Variants in SHOX observed in about 807,000 individuals in gnomAD.
SHOX encodes short stature homeobox protein.
Under a neutral mutation model 29.6 loss-of-function variants are expected in SHOX, and 12 were observed. The observed-to-expected ratio is 0.41, with a 90% CI of 0.26 to 0.66. The LOEUF (loss-of-function observed/expected upper bound fraction) is 0.66, where lower values mean the gene tolerates loss of function less well. SHOX is among the 30% of genes least tolerant of loss of function. The probability of loss-of-function intolerance (pLI) is 0.35; values close to 1 mark genes in which losing one functional copy is unlikely to be tolerated. For synonymous variants in SHOX, 214 were observed against 200.6 expected (o/e 1.07, Z -0.57); for missense variants, 499 against 437.7 (o/e 1.14, Z -1.25).
rs764179159 is a variant in SHOX at position 634,671 on chromosome X, G to C, written c.331G>C (p.Gly111Arg). ...GGACGTGAAGTCGGAGGACGAGGAC[G>C]GGCAGACCAAGCTGAAACAGAGGCG... The part of the protein sequence containing the change: ...REDVKSEDED[G>R]QTKLKQRRSR... The change falls in exon 2 of 5, where the codon GGG becomes CGG. Residue 111 changes from glycine to arginine, a missense_variant. Gly to Arg is a moderately radical substitution (Grantham distance 125). Transcript: ENST00000686671. The C allele has an allele frequency of 1.1e-5, 18 of 1,613,878 alleles. No homozygotes were observed. The highest frequency in any genetic ancestry group is 3.3e-5 in the South Asian group (3 of 91,064).
At chrX:656,257 C>A (rs1485598449), downstream of SHOX, among the ~76,000 whole-genome samples, 1 of 144,366 alleles carries the variant, frequency 6.9e-6, no homozygotes, top group East Asian at 1.9e-4. Flanking sequence ...ACCTCAGCAA[C>A]AAAGTGAGAT....
downstream of SHOX, among the ~76,000 whole-genome samples, chrX:651,641 G>GA (rs553983413): frequency 0.02 from 2,127 of 107,500 alleles, 46 homozygotes; most frequent in African/African-American, 0.051. Context: ...AGGCTTATTG[G>GA]AAAAAAAAAA....
chrX:640,075 T>C (rs1008946054), intron 2 of SHOX, among the ~76,000 whole-genome samples: 7 of 150,734 alleles, frequency 4.6e-5, no homozygotes, highest in African/African-American at 1.7e-4. Context: ...CCAGGTGCAG[T>C]GGCTCACGCC....
intron 2 of SHOX, among the ~76,000 whole-genome samples, chrX:638,034 T>C (rs1489933761): frequency 6.6e-6 from 1 of 152,150 alleles, no homozygotes; most frequent in Non-Finnish European, 1.5e-5. Context: ...CTAAATTAAA[T>C]GTCATTATTC....
In SHOX at chrX:625,288, C is replaced by T. The variant is rs755491423; in HGVS notation, c.-433+686C>T. Among the ~76,000 whole-genome samples the T allele has an allele frequency of 1.5e-4, 23 of 149,544 alleles. No individual in the cohort carries two copies. The South Asian group carries it at 4.7e-3, about 30-fold the overall frequency. Reference sequence around the variant, plus strand: ...TCCCTCTGCCATTTGTCTCTTTCCCCTTTGCGTTTTTATTCGCAGTCGTTG... The same window carrying T: ...TCCCTCTGCCATTTGTCTCTTTCCCTTTTGCGTTTTTATTCGCAGTCGTTG... On this transcript the variant is annotated intron_variant, in intron 1 of 5. Coordinates refer to the SHOX transcript ENST00000334060.
At chrX:634,319 C>G (rs1029741511) in intron 1 of SHOX, among the ~76,000 whole-genome samples, 6 of 145,024 alleles carry the variant, frequency 4.1e-5, no homozygotes, top group Non-Finnish European at 7.7e-5. Context: ...TGACACCCCA[C>G]TCTCCTTAAA....
At chrX:654,291 A>G (rs1450784703), downstream of SHOX, among the ~76,000 whole-genome samples, 7 of 151,998 alleles carry the variant, frequency 4.6e-5, no homozygotes, top group Non-Finnish European at 8.8e-5. Context: ...GGTTTGTTAC[A>G]TATGTAACAA....
At chrX:652,668 T>C (rs886457786), downstream of SHOX, among the ~76,000 whole-genome samples, 20 of 152,182 alleles carry the variant, frequency 1.3e-4, no homozygotes, top group African/African-American at 2.7e-4. Flanking sequence ...AAAGCTTCTC[T>C]TGGCCAGAGA....
chrX:627,448 G>A (rs1171616919), upstream of SHOX, among the ~76,000 whole-genome samples: 3 of 152,282 alleles, frequency 2.0e-5, no homozygotes, highest in Middle Eastern at 3.4e-3. Context: ...GGCCGCCTCC[G>A]TGCTCATCCC....
chrX:627,037 C>G (rs1380151451), upstream of SHOX, among the ~76,000 whole-genome samples: 3 of 146,218 alleles, frequency 2.1e-5, no homozygotes, highest in Non-Finnish European at 4.6e-5. Context: ...GTCTCTCTAT[C>G]TCTGTGACTC....
chrX:643,677 G>T lies in SHOX; in HGVS notation c.634-714G>T, dbSNP rs759658790. ...GGGGGACCTGGTGTCTCGGGAGAGA[G>T]CCTTGGGGACCTGGTGACCCGGGAG... On this transcript the variant is annotated intron_variant, in intron 4 of 4. Coordinates refer to ENST00000686671, the MANE Select transcript of SHOX (RefSeq NM_000451.4). Among the ~76,000 whole-genome samples, 74 of 118,154 alleles carry T rather than the reference G, an allele frequency of 6.3e-4. 5 individuals are homozygous for T. Among genetic ancestry groups the T allele is most frequent in the African/African-American group, 2.7e-3 (71 of 26,258 alleles). 77.5% of individuals were successfully genotyped at this position (118,154 alleles called of 152,430 possible).
At chrX:627,471 G>T (rs2052558976), upstream of SHOX, among the ~76,000 whole-genome samples, 3 of 152,276 alleles carry the variant, frequency 2.0e-5, no homozygotes, top group Admixed American at 2.0e-4. Flanking sequence ...AGGAAGAGTT[G>T]GAGTTTTACA....
At chrX:630,663 G>C (rs1368981982), upstream of SHOX, 1 of 607,448 alleles carries the variant, frequency 1.6e-6, no homozygotes, top group Non-Finnish European at 2.9e-6. Flanking sequence ...TGGGGGGTGG[G>C]GGAGACACAG....
chrX:653,325 T>C (rs2053094541), downstream of SHOX, among the ~76,000 whole-genome samples: 1 of 152,222 alleles, frequency 6.6e-6, no homozygotes. Flanking sequence ...TCCTATTGTT[T>C]TACGTGGTTT....
At chrX:630,749 G>A (rs779903554), upstream of SHOX, 2 of 998,760 alleles carry the variant, frequency 2.0e-6, no homozygotes, top group Admixed American at 2.0e-5. Context: ...GGGGCTGGGC[G>A]AGGTCGCCGC....
At chrX:657,786 C>T (rs185040356) in intron 5 of SHOX, among the ~76,000 whole-genome samples, 1 of 152,214 alleles carries the variant, frequency 6.6e-6, no homozygotes, top group Non-Finnish European at 1.5e-5. Flanking sequence ...AAATGTCACC[C>T]ATGCAAATTA....
At chrX:632,432 C>T (rs1355312183) in intron 1 of SHOX, among the ~76,000 whole-genome samples, 1 of 152,148 alleles carries the variant, frequency 6.6e-6, no homozygotes, top group Admixed American at 6.5e-5. Context: ...CGGCTATGGA[C>T]GCCTGTTATG....
chrX:641,112 A>C, intron 4 of SHOX, 25 bp downstream of exon 4: 1 of 1,607,200 alleles, frequency 6.2e-7, no homozygotes, highest in Non-Finnish European at 8.5e-7. Context: ...CTTCCTCTGA[A>C]GATCCCTAGG....
At chrX:652,303 A>ATAC (rs902262602), downstream of SHOX, among the ~76,000 whole-genome samples, 1 of 151,862 alleles carries the variant, frequency 6.6e-6, no homozygotes, top group Non-Finnish European at 1.5e-5. Context: ...TATAATAATA[A>ATAC]TAAATGGAAA....
Sources: gnomAD v4.1 joint callset for allele counts (sites outside exome capture counted in the v4.1 genomes callset) on GRCh38, gnomAD v4.1.1 for gene constraint, MANE v1.5 for transcripts, NCBI Gene and HGNC (gene_info 2026-07-23, HGNC 2026-07-21) for gene names.